The following SLC67A1 variants were observed in gnomAD, a reference collection of about 807,000 sequenced individuals.
SLC67A1 encodes the protein solute carrier family 67 member 1.
At chr11:2,925,099 G>A in the SLC67A1 span, 109 of 1,613,858 alleles carry the variant, frequency 6.8e-5, 1 homozygote, top group African/African-American at 3.3e-4. This position sits in a 1 kb window ranked among gnomAD's most constrained non-coding sequence, Gnocchi z 6.5. Context: ...CAGCTTTGGC[G>A]TCCCCGTCTT....
chr11:2,909,719 T>C, the SLC67A1 span: 1 of 1,498,118 alleles, frequency 6.7e-7, no homozygotes, highest in East Asian at 2.6e-5. Flanking sequence ...GGGTGAGTGG[T>C]GGGGGCCGGG....
chr11:2,915,031 C>T, the SLC67A1 span: 14 of 985,390 alleles, frequency 1.4e-5, no homozygotes, highest in Non-Finnish European at 1.3e-5. Context: ...ACGTCCTGGG[C>T]GGTGGGTGCT....
chr11:2,909,138 G>C, the SLC67A1 span: 80 of 1,419,646 alleles, frequency 5.6e-5, no homozygotes, highest in Admixed American at 6.5e-4. Flanking sequence ...GCCCCTGGAC[G>C]GGGGGAAGGG....
chr11:2,923,257 C>A, the SLC67A1 span, among the ~76,000 whole-genome samples: 6 of 152,154 alleles, frequency 3.9e-5, no homozygotes. The surrounding 1 kb of genome is among the most constrained non-coding windows in gnomAD (Gnocchi z 6.5). Flanking sequence ...TTCCAGGCCT[C>A]CCCAGCAGCA....
At chr11:2,903,087 G>T in the SLC67A1 span, 1 of 689,846 alleles carries the variant, frequency 1.4e-6, no homozygotes, top group Non-Finnish European at 2.1e-6. Flanking sequence ...TCCCCGGGAG[G>T]CTGTGTGCCT....
At chr11:2,909,055 G>T in the SLC67A1 span, 1 of 735,762 alleles carries the variant, frequency 1.4e-6, no homozygotes, top group South Asian at 2.1e-5. Context: ...AGGCCTCCCA[G>T]CAGCCGCCCA....
chr11:2,909,866 G>C, the SLC67A1 span: 1 of 825,794 alleles, frequency 1.2e-6, no homozygotes, highest in Non-Finnish European at 1.8e-6. Context: ...CCCGCGCGAG[G>C]CCTAGGCCTG....
At chr11:2,909,561 C>A in the SLC67A1 span, 2 of 1,524,128 alleles carry the variant, frequency 1.3e-6, no homozygotes, top group Admixed American at 4.0e-5. Context: ...CGCTCAGCTC[C>A]CCCGCCCCGT....
the SLC67A1 span, chr11:2,918,222 G>A: frequency 3.9e-4 from 272 of 697,058 alleles, 1 homozygote; most frequent in Non-Finnish European, 6.2e-4. Context: ...AGGCAGGAGC[G>A]GGAGGAAGGC....
the SLC67A1 span, chr11:2,922,195 C>T: frequency 6.2e-7 from 1 of 1,613,264 alleles, no homozygotes; most frequent in East Asian, 2.2e-5. Flanking sequence ...CGTGGTGGGC[C>T]TGGCCATGGT....
chr11:2,919,435 G>A, the SLC67A1 span: 4 of 1,513,478 alleles, frequency 2.6e-6, no homozygotes, highest in Admixed American at 3.3e-5. Flanking sequence ...GCCTGCTGGG[G>A]GGCACGGCAG....
At chr11:2,909,287 C>A in the SLC67A1 span, 1 of 1,534,410 alleles carries the variant, frequency 6.5e-7, no homozygotes. Flanking sequence ...CGCCTCCAGC[C>A]CGGCCCTGCC....
the SLC67A1 span, among the ~76,000 whole-genome samples, chr11:2,915,518 C>G: frequency 6.6e-6 from 1 of 152,204 alleles, no homozygotes; most frequent in African/African-American, 2.4e-5. Flanking sequence ...ATGGCTCACA[C>G]ATTTGTCCGA....
chr11:2,907,502 A>G, the SLC67A1 span, among the ~76,000 whole-genome samples: 1 of 152,158 alleles, frequency 6.6e-6, no homozygotes, highest in Admixed American at 6.5e-5. The surrounding 1 kb of genome is among the most constrained non-coding windows in gnomAD (Gnocchi z 6.7). Flanking sequence ...TAATGAGGAC[A>G]CGGGTCACAT....
At chr11:2,902,487 C>CCA in the SLC67A1 span, 1 of 699,654 alleles carries the variant, frequency 1.4e-6, no homozygotes, top group African/African-American at 1.9e-5. Context: ...CTGCTCCCCC[C>CCA]AGCCTCCCTG....
At chr11:2,914,805 C>T in the SLC67A1 span, 1 of 985,474 alleles carries the variant, frequency 1.0e-6, no homozygotes, top group Non-Finnish European at 1.2e-6. Context: ...TGAGCTGTGA[C>T]ACGCAGGCCT....
the SLC67A1 span, chr11:2,922,224 G>GC: frequency 6.2e-7 from 1 of 1,603,200 alleles, no homozygotes; most frequent in South Asian, 1.1e-5. Flanking sequence ...CCCGCTTTGG[G>GC]CCCACTCACC....
the SLC67A1 span, among the ~76,000 whole-genome samples, chr11:2,923,469 C>T: frequency 6.6e-6 from 1 of 150,752 alleles, no homozygotes; most frequent in African/African-American, 2.4e-5. The surrounding 1 kb of genome is among the most constrained non-coding windows in gnomAD (Gnocchi z 6.5). Flanking sequence ...AAACTCAGGG[C>T]ACACATCTGA....
At chr11:2,901,368 AC>A in the SLC67A1 span, among the ~76,000 whole-genome samples, 2 of 152,176 alleles carry the variant, frequency 1.3e-5, no homozygotes, top group Non-Finnish European at 2.9e-5. Context: ...TGTCCGTCCC[AC>A]CCTGTCTCAC....
Sources: allele counts gnomAD v4.1 joint callset (sites outside exome capture counted in the v4.1 genomes callset), GRCh38; gene constraint gnomAD v4.1.1; non-coding constraint Gnocchi (gnomAD v3.1); transcripts MANE v1.5; gene names NCBI Gene and HGNC (gene_info 2026-07-23, HGNC 2026-07-21).